RERE: variants seen among roughly 807,000 people sequenced by gnomAD.
The protein encoded by RERE is arginine-glutamic acid dipeptide repeats protein.
RERE carries 40 observed loss-of-function variants against 146.1 expected under a neutral mutation model. The ratio of observed to expected loss-of-function variants is 0.27; its 90% CI spans 0.21 to 0.36. The LOEUF (loss-of-function observed/expected upper bound fraction) is 0.36. Among genes scored for constraint, RERE ranks in the 10% least tolerant of loss-of-function variants. RERE has a pLI of 1.00. For missense variants in RERE, 1,933 were observed against 2,138.7 expected (o/e 0.90, Z 1.90); for synonymous variants, 1,003 against 866.0 (o/e 1.16, Z -2.78).
At chr1:8,443,392 G>A (rs1644275645) in intron 11 of RERE, among the ~76,000 whole-genome samples, 1 of 145,394 alleles carries the variant, frequency 6.9e-6, no homozygotes, top group Admixed American at 7.1e-5. Flanking sequence ...AACCCAAGAG[G>A]CAGAGGTTGC....
chr1:8,810,787 G>A lies in RERE; in HGVS notation c.-145+6373C>T, dbSNP rs548822967. On this transcript the variant is annotated intron_variant, in intron 1 of 22. Coordinates refer to ENST00000400908, the MANE Select transcript of RERE (RefSeq NM_001042681.2). Reference sequence around the variant, plus strand: ...CCTCTATAGTATAAAATGTTTCTGAGGCTTTAAAGAGCTCATGTGCATTAT... The same window carrying A: ...CCTCTATAGTATAAAATGTTTCTGAAGCTTTAAAGAGCTCATGTGCATTAT... Among the ~76,000 whole-genome samples, 151 of 152,192 alleles carry A rather than the reference G, an allele frequency of 9.9e-4. 1 individual carries two copies. Among genetic ancestry groups the A allele is most frequent in the African/African-American group, 3.4e-3 (143 of 41,506 alleles).
chr1:8,739,339 A>C (rs904040884), intron 1 of RERE, among the ~76,000 whole-genome samples: 1 of 152,086 alleles, frequency 6.6e-6, no homozygotes, highest in Non-Finnish European at 1.5e-5. Flanking sequence ...CACTCTGTGA[A>C]ATTTGCCAGA....
chr1:8,429,855 T>A (rs552914929), intron 11 of RERE: 6 of 152,614 alleles, frequency 3.9e-5, no homozygotes, highest in South Asian at 4.1e-4. Flanking sequence ...GATCTGCTAG[T>A]AAGCAAACTA....
chr1:8,480,046 T>C (rs1264051894), intron 10 of RERE, among the ~76,000 whole-genome samples: 1 of 151,736 alleles, frequency 6.6e-6, no homozygotes, highest in Non-Finnish European at 1.5e-5. Flanking sequence ...TCAAACACCC[T>C]CCCCACAAGG....
At chr1:8,724,944 T>C (rs1639932112) in intron 1 of RERE, among the ~76,000 whole-genome samples, 1 of 151,932 alleles carries the variant, frequency 6.6e-6, no homozygotes, top group Non-Finnish European at 1.5e-5. Context: ...CTTTTTTCGT[T>C]AAGAAAACTC....
intron 1 of RERE, among the ~76,000 whole-genome samples, chr1:8,749,754 G>A (rs1417123464): frequency 1.3e-5 from 2 of 152,138 alleles, no homozygotes; most frequent in Non-Finnish European, 2.9e-5. Flanking sequence ...AAAAAAATCT[G>A]TATTTTACTC....
At chr1:8,424,037 C>G (rs1196591108) in intron 11 of RERE, 2 of 152,136 alleles carry the variant, frequency 1.3e-5, no homozygotes, top group African/African-American at 2.4e-5. Context: ...GGGGAGAGGG[C>G]GCCCACAGGG....
intron 12 of RERE, among the ~76,000 whole-genome samples, chr1:8,383,612 G>C (rs1023006157): frequency 1.3e-5 from 2 of 152,136 alleles, no homozygotes; most frequent in Non-Finnish European, 2.9e-5. Context: ...TGTAATCCCA[G>C]CACTTTGGGA....
intron 4 of RERE, among the ~76,000 whole-genome samples, chr1:8,577,464 A>G (rs928479988): frequency 6.6e-6 from 1 of 152,194 alleles, no homozygotes; most frequent in African/African-American, 2.4e-5. Flanking sequence ...AAGCCTGTAT[A>G]ATTACAGTTG....
chr1:8,589,560 A>G (rs1373928719), intron 4 of RERE, among the ~76,000 whole-genome samples: 5 of 152,208 alleles, frequency 3.3e-5, no homozygotes, highest in South Asian at 2.1e-4. Context: ...TTGGCGCCCT[A>G]TTTATTGAAT....
At chr1:8,368,217 C>T (rs1192479093) in intron 12 of RERE, among the ~76,000 whole-genome samples, 1 of 152,042 alleles carries the variant, frequency 6.6e-6, no homozygotes, top group Non-Finnish European at 1.5e-5. Context: ...CGCCTGTAAT[C>T]CTAGCACTTT....
In RERE at chr1:8,365,932, C is replaced by T; in HGVS notation, c.1327G>A (p.Glu443Lys). Residue 443 changes from glutamate to lysine, a missense_variant, in exon 13 of 23, where the codon GAA becomes AAA. Glu to Lys is a moderately conservative substitution (Grantham distance 56, BLOSUM62 1). Coordinates refer to ENST00000400908, the MANE Select transcript of RERE (RefSeq NM_001042681.2). ...CGATGGGCTCGGGAGCTGGCTGCTT[C>T]GGGGGTCTTCTTCCAATAGTAATAG... ...TFYYYWKKTPEAASSRAHRRH... is the reference protein window; with the variant it reads ...TFYYYWKKTPKAASSRAHRRH... 6.2e-7 allele frequency: 1 copy of T among 1,614,004 alleles called. No homozygotes were observed. Among genetic ancestry groups the T allele is most frequent in the Non-Finnish European group, 8.5e-7 (1 of 1,180,034 alleles).
At chr1:8,501,872 T>G (rs1247114765) in intron 8 of RERE, among the ~76,000 whole-genome samples, 4 of 98,112 alleles carry the variant, frequency 4.1e-5, no homozygotes, top group African/African-American at 1.6e-4. Flanking sequence ...AGCCGCCCCG[T>G]CCGGGAGGCA....
intron 1 of RERE, among the ~76,000 whole-genome samples, chr1:8,805,387 G>A (rs1041151565): frequency 2.6e-5 from 4 of 151,946 alleles, no homozygotes; most frequent in African/African-American, 7.3e-5. Context: ...AGTGGCTCTC[G>A]CCTATAATCC....
chr1:8,692,051 A>G (rs1639218228), intron 1 of RERE, among the ~76,000 whole-genome samples: 1 of 152,146 alleles, frequency 6.6e-6, no homozygotes, highest in African/African-American at 2.4e-5. Context: ...AATAATACAA[A>G]CATTTAACTC....
intron 4 of RERE, among the ~76,000 whole-genome samples, chr1:8,585,727 A>G (rs1181736412): frequency 6.6e-6 from 1 of 152,198 alleles, no homozygotes; most frequent in African/African-American, 2.4e-5. Context: ...GAATACTCCA[A>G]TGTATTATTT....
At chr1:8,731,805 T>G (rs899341499) in intron 1 of RERE, among the ~76,000 whole-genome samples, 16 of 146,492 alleles carry the variant, frequency 1.1e-4, no homozygotes, top group African/African-American at 3.7e-4. Flanking sequence ...TGTTTGTTTG[T>G]TTTGTTTTGT....
chr1:8,440,223 G>C (rs973181872), intron 11 of RERE, among the ~76,000 whole-genome samples: 32 of 152,186 alleles, frequency 2.1e-4, no homozygotes, highest in Non-Finnish European at 3.1e-4. Flanking sequence ...TGTGGAAGGG[G>C]CCAGCACTGA....
chr1:8,693,392 T>C (rs936379890), intron 1 of RERE, among the ~76,000 whole-genome samples: 2 of 152,222 alleles, frequency 1.3e-5, no homozygotes, highest in African/African-American at 4.8e-5. Context: ...CACAGCTACA[T>C]GATGGAATAT....
Sources: gnomAD v4.1 joint callset for allele counts (sites outside exome capture counted in the v4.1 genomes callset) on GRCh38, gnomAD v4.1.1 for gene constraint, MANE v1.5 for transcripts, NCBI Gene and HGNC (gene_info 2026-07-23, HGNC 2026-07-21) for gene names.